TUBB1: variants seen among roughly 807,000 people sequenced by gnomAD.
The protein encoded by TUBB1 is tubulin beta 1 class VI.
TUBB1 carries 28 observed loss-of-function variants against 22.6 expected under a neutral mutation model. The ratio of observed to expected loss-of-function variants is 1.24; its 90% confidence interval spans 0.92 to 1.70. The LOEUF (loss-of-function observed/expected upper bound fraction) is 1.70, where lower values mean the gene tolerates loss of function less well. Ranked by LOEUF, TUBB1 falls within the 40% of genes most tolerant of loss-of-function variation. The pLI is 0.00. For synonymous variants in TUBB1, 226 were observed against 238.0 expected (o/e 0.95, Z 0.46); for missense variants, 577 against 605.5 (o/e 0.95, Z 0.49).
rs759974721 is a variant in TUBB1, at chr20:59,024,805, G to A, written c.*22G>A. ...TTAACTGTGAGAGAAGCTGTGCCGCGGAGTCGCTTACAGAACAGTTTCTCA... is the reference window on the plus strand; with the variant it reads ...TTAACTGTGAGAGAAGCTGTGCCGCAGAGTCGCTTACAGAACAGTTTCTCA... On this transcript the variant is annotated 3_prime_UTR_variant, in exon 4 of 4. Transcript: ENST00000217133. The surrounding 1 kb of genome is among the most constrained non-coding windows in gnomAD (Gnocchi z 4.9). 2.0e-5 allele frequency: 32 copies of A among 1,611,022 alleles called. No homozygotes were observed. The highest frequency in any genetic ancestry group is 1.6e-4 in the East Asian group (7 of 44,862).
In TUBB1 at chr20:59,023,500, T is replaced by C. The variant is rs779473123; in HGVS notation, c.177T>C (p.Tyr59=). ...TATTTTTCTACACAGGTAGGAAATATGTGCCCCGAGCAGTCTTGGTGGACC... is the reference window on the plus strand; with the variant it reads ...TATTTTTCTACACAGGTAGGAAATACGTGCCCCGAGCAGTCTTGGTGGACC... ...VYYNEAYGRK[Y]VPRAVLVDLE... is the part of the protein sequence containing the mutation. Residue 59 remains tyrosine (Y), a synonymous_variant, in exon 3 of 4, where the codon TAT becomes TAC. Coordinates refer to ENST00000217133, the MANE Select transcript of TUBB1 (RefSeq NM_030773.4). The C allele has an allele frequency of 2.5e-6, 4 of 1,614,034 alleles. No homozygotes were observed. The highest frequency in any genetic ancestry group is 2.7e-5 in the African/African-American group (2 of 74,918).
chr20:59,020,403 C>T lies in TUBB1; in HGVS notation c.57+824C>T, dbSNP rs560585169. Among the ~76,000 whole-genome samples the T allele has an allele frequency of 2.6e-5, 4 of 152,338 alleles. No homozygotes were observed. In the East Asian group the frequency reaches 5.8e-4, roughly 22 times the overall value. ...TTCACCATGTTGGTCAGGCTGGTCT[C>T]GAACTCCTGACCTCAGGTGATGTGC... On this transcript the variant is annotated intron_variant, in intron 1 of 3. Transcript: ENST00000217133.
chr20:59,018,108 C>T (rs918391585), upstream of TUBB1, among the ~76,000 whole-genome samples: 1 of 152,258 alleles, frequency 6.6e-6, no homozygotes, highest in East Asian at 1.9e-4. Flanking sequence ...TCCACTGGCT[C>T]TCCCCTTCCG....
chr20:59,017,747 C>A (rs1411490227), upstream of TUBB1, among the ~76,000 whole-genome samples: 1 of 152,206 alleles, frequency 6.6e-6, no homozygotes, highest in Non-Finnish European at 1.5e-5. Flanking sequence ...AGTAGTCTTG[C>A]CTGTCCTGAG....
rs141152635 is a variant in TUBB1, at chr20:59,022,396, T to G, written c.58-449T>G. On this transcript the variant is annotated intron_variant, in intron 1 of 3. Coordinates refer to ENST00000217133, the MANE Select transcript of TUBB1 (RefSeq NM_030773.4). ...GTTATGGGCTGTTTGGAAAAGTTCA[T>G]GAAAAGAAATCCCCAAAGTGAAATG... Among the ~76,000 whole-genome samples, 524 of 151,814 alleles carry G rather than the reference T, an allele frequency of 3.5e-3. 3 individuals carry two copies. The highest frequency in any genetic ancestry group is 2.5e-3 in the Non-Finnish European group (167 of 67,986).
intron 1 of TUBB1, 100 bp from the exon 2 acceptor site, chr20:59,022,745 A>T: frequency 1.9e-6 from 2 of 1,055,320 alleles, no homozygotes; most frequent in Non-Finnish European, 2.9e-6. Flanking sequence ...GGGGAGGGTC[A>T]GGCAACCAGA....
upstream of TUBB1, among the ~76,000 whole-genome samples, chr20:59,017,539 T>C (rs977193015): frequency 3.3e-5 from 5 of 152,224 alleles, no homozygotes; most frequent in African/African-American, 9.6e-5. Flanking sequence ...ACTTTCCTGA[T>C]TGTGTTCCTG....
chr20:59,025,824 G>A lies in TUBB1; in HGVS notation c.*1041G>A, dbSNP rs1396108762. ...TTTGCAGAAGTTGCCATAAATGTTT[G>A]CATAATGACATAGCTTTAAGCACTA... On this transcript the variant is annotated 3_prime_UTR_variant, in exon 4 of 4. Coordinates refer to ENST00000217133, the MANE Select transcript of TUBB1 (RefSeq NM_030773.4). 6.6e-6 allele frequency: 1 copy of A among 152,228 alleles called. No homozygotes were observed. The highest frequency in any genetic ancestry group is 2.4e-5 in the African/African-American group (1 of 41,462). 9.4% of individuals were successfully genotyped at this position (152,228 alleles called of 1,614,324 possible).
Position 59,022,920 on chromosome 20 carries a change from G to C in TUBB1, c.133G>C (p.Glu45Gln). ...SDRGASALQL[E>Q]RISVYYNEAY... ...CCGCGGGGCCTCGGCCTTGCAGCTG[G>C]AGAGAATCAGCGTGTACTACAACGA... Residue 45 changes from glutamate (E) to glutamine (Q), a missense_variant, in exon 2 of 4, where the codon GAG becomes CAG. Physicochemically the swap from Glu to Gln is conservative, Grantham distance 29 (BLOSUM62 2). Coordinates refer to ENST00000217133, the MANE Select transcript of TUBB1 (RefSeq NM_030773.4). The C allele has an allele frequency of 1.2e-6, 2 of 1,614,128 alleles. No homozygotes were observed. Among genetic ancestry groups the C allele is most frequent in the Non-Finnish European group, 1.7e-6 (2 of 1,180,018 alleles).
upstream of TUBB1, among the ~76,000 whole-genome samples, chr20:59,017,245 T>C (rs949006634): frequency 1.3e-5 from 2 of 152,210 alleles, no homozygotes; most frequent in African/African-American, 4.8e-5. Flanking sequence ...ATTTGAATTT[T>C]GACAATGATC....
chr20:59,023,616 AG>A lies in TUBB1; in HGVS notation c.277+18del. ...TTTGTCCATGGTATGTTTTTCCAGA[AG>A]GTTCCACCAGGAGGAGGGGGGGATG... On this transcript the variant is annotated intron_variant, in intron 3 of 3. Coordinates refer to ENST00000217133, the MANE Select transcript of TUBB1 (RefSeq NM_030773.4). 6.2e-7 allele frequency: 1 copy of A among 1,613,986 alleles called. No homozygotes were observed. The highest frequency in any genetic ancestry group is 2.2e-5 in the East Asian group (1 of 44,876).
chr20:59,022,741 G>A (rs1325353452), intron 1 of TUBB1, 104 bp from the exon 2 acceptor site: 4 of 998,446 alleles, frequency 4.0e-6, no homozygotes, highest in African/African-American at 3.2e-5. Context: ...TCTTGGGGAG[G>A]GTCAGGCAAC....
chr20:59,024,653 G>A lies in TUBB1; in HGVS notation c.1226G>A (p.Gly409Glu), dbSNP rs776433885. ...TSEGMDINEF[G>E]EAENNIHDLV... ...GAAGGGATGGACATAAACGAATTTG[G>A]GGAAGCTGAAAATAACATCCATGAT... The change falls in exon 4 of 4, where the codon GGG becomes GAG. Residue 409 changes from glycine (G) to glutamate (E), a missense_variant. Coordinates refer to ENST00000217133, the MANE Select transcript of TUBB1 (RefSeq NM_030773.4). The surrounding 1 kb of genome is among the most constrained non-coding windows in gnomAD (Gnocchi z 4.9). The A allele has an allele frequency of 1.2e-6, 2 of 1,613,990 alleles. No homozygotes were observed.
chr20:59,021,852 G>T (rs756309326), intron 1 of TUBB1, among the ~76,000 whole-genome samples: 14 of 152,104 alleles, frequency 9.2e-5, no homozygotes, highest in Non-Finnish European at 1.6e-4. Flanking sequence ...AAAATTAGCT[G>T]GGCATGGTGG....
At chr20:59,020,443 C>T (rs774604610) in intron 1 of TUBB1, among the ~76,000 whole-genome samples, 1 of 152,232 alleles carries the variant, frequency 6.6e-6, no homozygotes, top group Admixed American at 6.5e-5. Flanking sequence ...CTGGGCCTCC[C>T]GAAGTGCTGG....
In TUBB1 at chr20:59,026,578, A is replaced by G. The variant is rs1254724439; in HGVS notation, c.*1795A>G. The G allele has an allele frequency of 6.6e-6, 1 of 152,226 alleles. No individual in the cohort carries two copies. Among genetic ancestry groups the G allele is most frequent in the East Asian group, 1.9e-4 (1 of 5,198 alleles). 9.4% of individuals were successfully genotyped at this position (152,226 alleles called of 1,614,324 possible). A position where few individuals can be genotyped will look rare whatever the true frequency, so the allele number is the denominator to read the frequency against. On this transcript the variant is annotated 3_prime_UTR_variant, in exon 4 of 4. Transcript: ENST00000217133. ...TTTGTTTGCTCAATAGTAATCATTA[A>G]ACTACAAAGTAATTCAATTTTAAAT...
intron 3 of TUBB1, 26 bp from the exon 4 acceptor site, chr20:59,023,679 C>T: frequency 1.9e-6 from 3 of 1,614,114 alleles, no homozygotes; most frequent in South Asian, 2.2e-5. Context: ...CTTTCTTCCC[C>T]TGCTGGTTTC....
chr20:59,023,341 A>T (rs1465790077), intron 2 of TUBB1, 149 bp from the exon 3 acceptor site: 3 of 716,172 alleles, frequency 4.2e-6, no homozygotes, highest in Non-Finnish European at 7.5e-6. Context: ...AAAAAATATG[A>T]TGTTAGATAC....
intron 2 of TUBB1, 78 bp from the exon 3 acceptor site, chr20:59,023,412 A>G: frequency 2.2e-6 from 3 of 1,368,596 alleles, no homozygotes; most frequent in Non-Finnish European, 3.1e-6. Context: ...TTGGACCAGT[A>G]TCACAAAGTT....
Sources: gnomAD v4.1 joint callset for allele counts (sites outside exome capture counted in the v4.1 genomes callset) on GRCh38, gnomAD v4.1.1 for gene constraint, Gnocchi (gnomAD v3.1) non-coding constraint, MANE v1.5 for transcripts, NCBI Gene and HGNC (gene_info 2026-07-23, HGNC 2026-07-21) for gene names.